Variants in CACNA2D4 observed in about 807,000 individuals in gnomAD.
CACNA2D4 encodes voltage-dependent calcium channel subunit alpha-2/delta-4.
In CACNA2D4, 157 loss-of-function variants were observed where a neutral mutation model predicts 163.8. The ratio of observed to expected loss-of-function variants is 0.96; its 90% CI spans 0.84 to 1.09. CACNA2D4 has a LOEUF of 1.09. Ranked by LOEUF, CACNA2D4 falls within the 50% of genes least tolerant of loss-of-function variation. The probability of loss-of-function intolerance (pLI) is 0.00; values close to 1 mark genes in which losing one functional copy is unlikely to be tolerated. For missense variants in CACNA2D4, 1,410 were observed against 1,479.9 expected, an observed-to-expected ratio of 0.95 and a Z score of 0.78; for synonymous variants, 598 against 586.9, an observed-to-expected ratio of 1.02 and a Z score of -0.27.
At position 1,828,276 on chromosome 12, in the gene CACNA2D4, T is replaced by G. The variant is rs1034643300; in HGVS notation, c.2551+12463A>C. 1 of 1,414,770 alleles carries G rather than the reference T, an allele frequency of 7.1e-7. No individual in the cohort carries two copies. Among genetic ancestry groups the G allele is most frequent in the Non-Finnish European group, 9.5e-7 (1 of 1,047,578 alleles). The allele number at this position is 1,414,770 out of a possible 1,614,324, so 87.6% of individuals were successfully genotyped here. On this transcript the variant is annotated intron_variant, in intron 26 of 37. Transcript: ENST00000382722. This position sits in a 1 kb window ranked among gnomAD's most constrained non-coding sequence, Gnocchi z 4.2. ...TTGGGTGGGGGTGCCGAGGTGACTG[T>G]AGGTAGCGCCATATGGGACCTTAGC...
Position 1,799,663 on chromosome 12 carries a change from T to G in CACNA2D4, c.2995+12A>C. On this transcript the variant is annotated intron_variant, in intron 34 of 37. Coordinates refer to ENST00000382722, the MANE Select transcript of CACNA2D4 (RefSeq NM_172364.5). The surrounding 1 kb of genome is among the most constrained non-coding windows in gnomAD (Gnocchi z 4.7). ...CACCGCCAGCAGGGATGGCCTCAGC[T>G]GGGCTACTTACAGTGATGGAAGACA... is the stretch of plus-strand genomic sequence containing the variant. 4 of 1,566,934 alleles carry G rather than the reference T, an allele frequency of 2.6e-6. No individual in the cohort carries two copies. Among genetic ancestry groups the G allele is most frequent in the Non-Finnish European group, 3.5e-6 (4 of 1,156,052 alleles).
chr12:1,890,379 C>T (rs1866251370), intron 6 of CACNA2D4, among the ~76,000 whole-genome samples: 1 of 152,220 alleles, frequency 6.6e-6, no homozygotes, highest in African/African-American at 2.4e-5. Context: ...TTCCCACAGC[C>T]ACCACCATGG....
At chr12:1,835,834 C>A (rs547316854) in intron 26 of CACNA2D4, 1 of 152,696 alleles carries the variant, frequency 6.5e-6, no homozygotes, top group Non-Finnish European at 1.5e-5. Context: ...CCCACTGATT[C>A]CTCCACAGCC....
chr12:1,842,340 C>A (rs972332531), intron 25 of CACNA2D4, among the ~76,000 whole-genome samples: 1 of 152,200 alleles, frequency 6.6e-6, no homozygotes, highest in African/African-American at 2.4e-5. Context: ...CCCACCAGGC[C>A]CCGGCAAAGG....
In CACNA2D4 at chr12:1,843,760, G is replaced by A. The variant is rs1565706217; in HGVS notation, c.2470+642C>T. Among the ~76,000 whole-genome samples the A allele has an allele frequency of 6.6e-6, 1 of 152,202 alleles. No individual in the cohort carries two copies. The highest frequency in any genetic ancestry group is 1.5e-5 in the Non-Finnish European group (1 of 68,036). ...TCCAGAATGGGGGCTGGGGCTGGCT[G>A]GCAGTTGGGTGCCCATCAACTCTGA... On this transcript the variant is annotated intron_variant, in intron 25 of 37. Coordinates refer to ENST00000382722, the MANE Select transcript of CACNA2D4 (RefSeq NM_172364.5). This position sits in a 1 kb window ranked among gnomAD's most constrained non-coding sequence, Gnocchi z 4.6.
At chr12:1,877,142 A>C (rs1340579148) in intron 16 of CACNA2D4, among the ~76,000 whole-genome samples, 1 of 152,244 alleles carries the variant, frequency 6.6e-6, no homozygotes, top group Non-Finnish European at 1.5e-5. Context: ...TTAGAGTACA[A>C]GCCTCTGTTT....
Position 1,874,662 on chromosome 12 carries a change from A to T in CACNA2D4, c.1820T>A (p.Met607Lys). ...EDQAESLRTA[M>K]INRETGTLSM... ...GAGAGTACCTGTTTCCCTATTGATC[A>T]TGGCTGTTCTCAGCTTCAGGAGGAA... Residue 607 changes from methionine to lysine, a missense_variant, in exon 18 of 38, where the codon ATG (methionine) becomes AAG (lysine). Transcript: ENST00000382722. This position sits in a 1 kb window ranked among gnomAD's most constrained non-coding sequence, Gnocchi z 4.4. The T allele has an allele frequency of 6.2e-7, 1 of 1,612,652 alleles. No homozygotes were observed. Among genetic ancestry groups the T allele is most frequent in the Non-Finnish European group, 8.5e-7 (1 of 1,178,744 alleles).
In CACNA2D4 at chr12:1,874,789, T is replaced by G. The variant is rs1000925277; in HGVS notation, c.1807-114A>C. 1.6e-5 allele frequency: 12 copies of G among 774,114 alleles called. No individual in the cohort carries two copies. The African/African-American group carries it at 2.0e-4, about 13-fold the overall frequency. 48.0% of individuals were successfully genotyped at this position (774,114 alleles called of 1,614,324 possible). A position where few individuals can be genotyped will look rare whatever the true frequency, so the allele number is the denominator to read the frequency against. On this transcript the variant is annotated intron_variant, in intron 17 of 37. Coordinates refer to ENST00000382722, the MANE Select transcript of CACNA2D4 (RefSeq NM_172364.5). This position sits in a 1 kb window ranked among gnomAD's most constrained non-coding sequence, Gnocchi z 4.4. ...CCCAGAAACACTTTTGGTTCTTCCC[T>G]TTTTCCTCTGAGAGAGATACCAGGA...
chr12:1,878,334 T>C lies in CACNA2D4; in HGVS notation c.1700A>G (p.His567Arg). 1 of 1,609,726 alleles carries C rather than the reference T, an allele frequency of 6.2e-7. No individual in the cohort carries two copies. Among genetic ancestry groups the C allele is most frequent in the South Asian group, 1.1e-5 (1 of 89,642 alleles). ...LNTNNGYILS[H>R]PDLRPLYREG... ...ACCTACCAGGGGCCGGAGGTCGGGA[T>C]GGGAGAGGATGTAGCCATTGTTGGT... Residue 567 changes from histidine (H) to arginine (R), a missense_variant, in exon 16 of 38, where the codon CAT (histidine) becomes CGT (arginine). By Grantham distance (29) the His-to-Arg change is conservative. Transcript: ENST00000382722. The surrounding 1 kb of genome is among the most constrained non-coding windows in gnomAD (Gnocchi z 4.6).
chr12:1,819,523 C>T (rs983837248), intron 26 of CACNA2D4, among the ~76,000 whole-genome samples: 5 of 152,184 alleles, frequency 3.3e-5, no homozygotes, highest in East Asian at 1.9e-4. Flanking sequence ...GGTGATATAT[C>T]GCTAGCACGG....
rs1274954739 is a variant in CACNA2D4 at position 1,829,169 on chromosome 12, G to GC, written c.2551+11569_2551+11570insG. On this transcript the variant is annotated intron_variant, in intron 26 of 37. Transcript: ENST00000382722. This position sits in a 1 kb window ranked among gnomAD's most constrained non-coding sequence, Gnocchi z 4.2. Reference sequence around the variant, plus strand: ...TGCCACCTTGATCTCCAGGGAGGTGGGGGGCGCAGGGAGTCGCTCTTCCGC... The same window carrying GC: ...TGCCACCTTGATCTCCAGGGAGGTGGCGGGGCGCAGGGAGTCGCTCTTCCGC... 3.9e-5 allele frequency among the ~76,000 whole-genome samples: 6 copies of GC among 152,172 alleles called. No homozygotes were observed. Among genetic ancestry groups the GC allele is most frequent in the African/African-American group, 1.4e-4 (6 of 41,436 alleles).
intron 6 of CACNA2D4, among the ~76,000 whole-genome samples, chr12:1,894,900 T>G (rs4765651): frequency 0.92 from 139,505 of 152,248 alleles, 64,095 homozygotes; most frequent in East Asian, 1. Flanking sequence ...AATCAGGCAA[T>G]AGAAAGAAAT....
At chr12:1,838,665 C>T (rs1250742412) in intron 26 of CACNA2D4, among the ~76,000 whole-genome samples, 1 of 152,204 alleles carries the variant, frequency 6.6e-6, no homozygotes, top group Non-Finnish European at 1.5e-5. Flanking sequence ...CCCCTCTCGG[C>T]TCTAATTCAG....
chr12:1,887,397 T>C (rs570241976), intron 6 of CACNA2D4, among the ~76,000 whole-genome samples: 5 of 152,212 alleles, frequency 3.3e-5, no homozygotes, highest in Non-Finnish European at 7.3e-5. Context: ...TAACATCCAT[T>C]ACCATCCAGC....
chr12:1,915,710 C>T (rs938067150), intron 1 of CACNA2D4, among the ~76,000 whole-genome samples: 2 of 152,246 alleles, frequency 1.3e-5, no homozygotes. Flanking sequence ...CGACCTCTCG[C>T]CCATGCCCCA....
chr12:1,823,411 A>C (rs998495362), intron 26 of CACNA2D4: 3 of 151,432 alleles, frequency 2.0e-5, no homozygotes, highest in African/African-American at 7.4e-5. Context: ...GCAGTGAGTG[A>C]GTGCGTGCGG....
chr12:1,827,967 C>A (rs151330218), intron 26 of CACNA2D4: 13 of 439,722 alleles, frequency 3.0e-5, no homozygotes, highest in African/African-American at 2.6e-4. Context: ...CTGAGAGGAA[C>A]AGGAGAGGGC....
At chr12:1,871,052 TGTGTTGCTGGTGGTGTGTACGCAC>T (rs1238297420) in intron 18 of CACNA2D4, among the ~76,000 whole-genome samples, 1 of 152,088 alleles carries the variant, frequency 6.6e-6, no homozygotes, top group Non-Finnish European at 1.5e-5. Context: ...TGTATACGTG[TGTGTTGCTGGTGGTGTGTACGCAC>T]GTGTTGCTGG....
At chr12:1,907,380 C>T in intron 6 of CACNA2D4, 60 bp downstream of exon 6, 2 of 416,988 alleles carry the variant, frequency 4.8e-6, no homozygotes, top group African/African-American at 1.0e-4. Context: ...TCTTCAGTGC[C>T]CCTATTATTT....
Sources: gnomAD v4.1 joint callset for allele counts (sites outside exome capture counted in the v4.1 genomes callset) on GRCh38, gnomAD v4.1.1 for gene constraint, Gnocchi (gnomAD v3.1) non-coding constraint, MANE v1.5 for transcripts, NCBI Gene and HGNC (gene_info 2026-07-23, HGNC 2026-07-21) for gene names.